The following KCNQ5 variants were observed in gnomAD, a reference collection of about 807,000 sequenced individuals.
KCNQ5 encodes potassium voltage-gated channel subfamily KQT member 5.
Under a neutral mutation model 98.2 loss-of-function variants are expected in KCNQ5, and 30 were observed. The observed-to-expected ratio is 0.31, with a 90% CI of 0.23 to 0.41. The LOEUF is 0.41. Among genes scored for constraint, KCNQ5 ranks in the 10% least tolerant of loss-of-function variants. The pLI is 1.00. For synonymous variants in KCNQ5, 458 were observed against 449.4 expected, an observed-to-expected ratio of 1.02 and a Z score of -0.24; for missense variants, 835 against 1,182.5, an observed-to-expected ratio of 0.71 and a Z score of 4.31.
chr6:72,622,127 A>T lies in KCNQ5; in HGVS notation c.-63A>T, dbSNP rs1472059182. ...CTTCCTCCTTGAAACCCGCCGGCGC[A>T]CATGAGGCCGCTGCCCCCGCCGCAG... On this transcript the variant is annotated 5_prime_UTR_variant, in exon 1 of 14. Transcript: ENST00000370398. This position sits in a 1 kb window ranked among gnomAD's most constrained non-coding sequence, Gnocchi z 6.0. 8.3e-7 allele frequency: 1 copy of T among 1,197,820 alleles called. No individual in the cohort carries two copies. Among genetic ancestry groups the T allele is most frequent in the African/African-American group, 1.6e-5 (1 of 63,230 alleles). The allele number at this position is 1,197,820 out of a possible 1,614,324, so 74.2% of individuals were successfully genotyped here.
chr6:72,826,004 G>C (rs1216240653), intron 1 of KCNQ5, among the ~76,000 whole-genome samples: 1 of 152,106 alleles, frequency 6.6e-6, no homozygotes, highest in Admixed American at 6.6e-5. Context: ...GTGCCTGCAA[G>C]CAATCACACT....
At chr6:72,727,361 A>G (rs1313176929) in intron 1 of KCNQ5, among the ~76,000 whole-genome samples, 2 of 152,256 alleles carry the variant, frequency 1.3e-5, no homozygotes, top group Non-Finnish European at 2.9e-5. Flanking sequence ...CCCAGTTTGT[A>G]TAAGATTGTC....
At chr6:72,775,911 C>T (rs1019351536) in intron 1 of KCNQ5, among the ~76,000 whole-genome samples, 1 of 152,060 alleles carries the variant, frequency 6.6e-6, no homozygotes, top group Non-Finnish European at 1.5e-5. Flanking sequence ...AGTGCAGTAT[C>T]CTGGATGGGA....
chr6:73,019,143 C>T lies in KCNQ5; in HGVS notation c.489+15145C>T, dbSNP rs565657291. Reference sequence around the variant, plus strand: ...TTTACCAGCATCCCAGTCCATCAAGCTCTCTTCACCTACATGTTAAGTGAA... The same window carrying T: ...TTTACCAGCATCCCAGTCCATCAAGTTCTCTTCACCTACATGTTAAGTGAA... On this transcript the variant is annotated intron_variant, in intron 2 of 13. Coordinates refer to ENST00000370398, the MANE Select transcript of KCNQ5 (RefSeq NM_019842.4). Among the ~76,000 whole-genome samples, 117 of 152,278 alleles carry T rather than the reference C, an allele frequency of 7.7e-4. 3 individuals are homozygous for T. In the South Asian group the frequency reaches 0.024, roughly 31 times the overall value.
chr6:73,079,392 T>C (rs1329767885), intron 5 of KCNQ5, among the ~76,000 whole-genome samples: 1 of 152,208 alleles, frequency 6.6e-6, no homozygotes, highest in Non-Finnish European at 1.5e-5. Context: ...AATGATAGGC[T>C]TTTTATTTGT....
intron 1 of KCNQ5, among the ~76,000 whole-genome samples, chr6:73,003,422 C>T (rs921893764): frequency 1.3e-5 from 2 of 152,026 alleles, no homozygotes; most frequent in Non-Finnish European, 2.9e-5. Context: ...AATCCATGAG[C>T]AATATCAGAC....
intron 1 of KCNQ5, among the ~76,000 whole-genome samples, chr6:72,940,998 A>G (rs575200985): frequency 6.6e-6 from 1 of 152,328 alleles, no homozygotes; most frequent in African/African-American, 2.4e-5. Context: ...AAAATACGGC[A>G]TAATATGAAG....
At chr6:72,866,016 C>T (rs1478921279) in intron 1 of KCNQ5, among the ~76,000 whole-genome samples, 14 of 152,116 alleles carry the variant, frequency 9.2e-5, no homozygotes, top group Non-Finnish European at 1.8e-4. Context: ...TATGTAATCT[C>T]AATTAACCCC....
Position 72,755,721 on chromosome 6 carries a change from C to T in KCNQ5, c.398+133134C>T, listed in dbSNP as rs536367569. On this transcript the variant is annotated intron_variant, in intron 1 of 13. Coordinates refer to ENST00000370398, the MANE Select transcript of KCNQ5 (RefSeq NM_019842.4). ...TGTAACTATGCTTGATTTAGACGGT[C>T]AATTATCTTTAAAGGTGATTAAAAA... Among the ~76,000 whole-genome samples the T allele has an allele frequency of 3.3e-5, 5 of 152,188 alleles. No homozygotes were observed. The East Asian group carries it at 9.6e-4, about 29-fold the overall frequency.
chr6:72,788,480 T>C (rs934788892), intron 1 of KCNQ5, among the ~76,000 whole-genome samples: 1 of 152,218 alleles, frequency 6.6e-6, no homozygotes, highest in Non-Finnish European at 1.5e-5. Flanking sequence ...TCTTCTTCCT[T>C]CTGTTTAGCT....
intron 1 of KCNQ5, among the ~76,000 whole-genome samples, chr6:72,751,929 T>A (rs1405632577): frequency 2.0e-5 from 3 of 152,182 alleles, no homozygotes; most frequent in Non-Finnish European, 4.4e-5. Context: ...AAGATATTTA[T>A]ATAAATTTCA....
At chr6:72,986,869 C>A in intron 1 of KCNQ5, 1 of 927,932 alleles carries the variant, frequency 1.1e-6, no homozygotes, top group Non-Finnish European at 1.8e-6. Flanking sequence ...ACCCTTGGTT[C>A]TGCGAGGCTG....
intron 1 of KCNQ5, among the ~76,000 whole-genome samples, chr6:72,815,870 A>G (rs1380536121): frequency 6.6e-6 from 1 of 152,190 alleles, no homozygotes; most frequent in Non-Finnish European, 1.5e-5. Flanking sequence ...AAAGATGACA[A>G]GTTTAACTTG....
intron 1 of KCNQ5, among the ~76,000 whole-genome samples, chr6:72,802,426 G>T (rs553319160): frequency 6.5e-4 from 99 of 152,108 alleles, no homozygotes; most frequent in Middle Eastern, 3.4e-3. Flanking sequence ...AACAATGGGA[G>T]CAATTTTAGG....
chr6:72,996,886 C>T (rs1408967783), intron 1 of KCNQ5, among the ~76,000 whole-genome samples: 2 of 152,062 alleles, frequency 1.3e-5, no homozygotes, highest in Non-Finnish European at 2.9e-5. Context: ...AAACTGGGCT[C>T]GGTATATTGA....
At chr6:72,932,087 GC>G in intron 1 of KCNQ5, among the ~76,000 whole-genome samples, 1 of 152,160 alleles carries the variant, frequency 6.6e-6, no homozygotes, top group Non-Finnish European at 1.5e-5. Flanking sequence ...CAGCCAGATT[GC>G]CCTAAAGCCC....
intron 1 of KCNQ5, among the ~76,000 whole-genome samples, chr6:72,736,763 T>G (rs1770873056): frequency 6.6e-6 from 1 of 151,556 alleles, no homozygotes. Flanking sequence ...CCTCCCAAAG[T>G]GCTGGGATTA....
chr6:72,728,781 T>G (rs1025112677), intron 1 of KCNQ5, among the ~76,000 whole-genome samples: 9 of 152,216 alleles, frequency 5.9e-5, no homozygotes, highest in Non-Finnish European at 1.2e-4. Flanking sequence ...TTTTCTGTAC[T>G]TCATTAATAT....
chr6:72,644,394 G>A (rs943699905), intron 1 of KCNQ5, among the ~76,000 whole-genome samples: 10 of 152,150 alleles, frequency 6.6e-5, no homozygotes, highest in Admixed American at 3.9e-4. Flanking sequence ...CCTGTGCTTA[G>A]GAATGCTAGA....
Sources: gnomAD v4.1 joint callset for allele counts (sites outside exome capture counted in the v4.1 genomes callset) on GRCh38, gnomAD v4.1.1 for gene constraint, Gnocchi (gnomAD v3.1) non-coding constraint, MANE v1.5 for transcripts, NCBI Gene and HGNC (gene_info 2026-07-23, HGNC 2026-07-21) for gene names.